The following ANKH variants were observed in gnomAD, a reference collection of about 807,000 sequenced individuals.
ANKH encodes the protein mineralization regulator ANKH.
ANKH carries 15 observed loss-of-function variants against 49.0 expected under a neutral mutation model. The observed-to-expected ratio is 0.31, with a 90% CI of 0.20 to 0.47. ANKH has a LOEUF of 0.47. Among genes scored for constraint, ANKH ranks in the 20% least tolerant of loss-of-function variants. ANKH has a pLI of 1.00. For missense variants in ANKH, 429 were observed against 652.0 expected, an observed-to-expected ratio of 0.66 and a Z score of 3.72; for synonymous variants, 273 against 260.0, an observed-to-expected ratio of 1.05 and a Z score of -0.48.
chr5:14,705,557 G>C lies in ANKH; in HGVS notation c.*5640C>G, dbSNP rs1052925740. The C allele has an allele frequency of 1.3e-5, 2 of 152,232 alleles. No homozygotes were observed. The highest frequency in any genetic ancestry group is 2.4e-5 in the African/African-American group (1 of 41,450). The allele number at this position is 152,232 out of a possible 1,614,324, so 9.4% of individuals were successfully genotyped here. ...GTCGGCATGGAACAGAATCACGTGT[G>C]TGGCTCTTGTCCACTTTCCCGAAGC... On this transcript the variant is annotated 3_prime_UTR_variant, in exon 12 of 12. Transcript: ENST00000284268.
intron 1 of ANKH, among the ~76,000 whole-genome samples, chr5:14,796,879 T>C (rs1170869210): frequency 6.6e-6 from 1 of 152,208 alleles, no homozygotes; most frequent in Non-Finnish European, 1.5e-5. Flanking sequence ...TTTCTGTAGC[T>C]ACTTTAGACC....
chr5:14,861,836 A>T (rs939149005), intron 1 of ANKH, among the ~76,000 whole-genome samples: 2 of 152,248 alleles, frequency 1.3e-5, no homozygotes, highest in Non-Finnish European at 2.9e-5. Flanking sequence ...CCTGAACCAG[A>T]TGTAGACTGT....
At chr5:14,801,031 G>A (rs538102633) in intron 1 of ANKH, among the ~76,000 whole-genome samples, 3 of 152,238 alleles carry the variant, frequency 2.0e-5, no homozygotes, top group African/African-American at 4.8e-5. Flanking sequence ...CAGCCCAAAC[G>A]TAACTTTTAT....
At chr5:14,731,117 C>A (rs891049) in intron 8 of ANKH, among the ~76,000 whole-genome samples, 22,353 of 152,148 alleles carry the variant, frequency 0.15, 1,821 homozygotes, top group Non-Finnish European at 0.19. Flanking sequence ...TGTCGTCCTC[C>A]GGGGGCAGCG....
chr5:14,798,094 C>T, intron 1 of ANKH: 1 of 1,570,044 alleles, frequency 6.4e-7, no homozygotes, highest in Non-Finnish European at 8.8e-7. Flanking sequence ...CCAAATTCTC[C>T]TTTCTCTCTG....
chr5:14,773,106 C>T (rs1448041182), intron 1 of ANKH, among the ~76,000 whole-genome samples: 1 of 152,198 alleles, frequency 6.6e-6, no homozygotes, highest in African/African-American at 2.4e-5. Context: ...GGTTTTGTTT[C>T]TAGAGAACTC....
At chr5:14,730,728 C>T (rs1357131562) in intron 8 of ANKH, among the ~76,000 whole-genome samples, 1 of 152,182 alleles carries the variant, frequency 6.6e-6, no homozygotes, top group East Asian at 1.9e-4. Context: ...GAAGCGAGCG[C>T]CAGGAGTGCA....
At chr5:14,781,315 C>T (rs1471950054) in intron 1 of ANKH, among the ~76,000 whole-genome samples, 1 of 152,186 alleles carries the variant, frequency 6.6e-6, no homozygotes, top group Non-Finnish European at 1.5e-5. Flanking sequence ...AACCTGGTCC[C>T]TTCAGGAGTC....
chr5:14,845,843 C>A (rs1376023080), intron 1 of ANKH, among the ~76,000 whole-genome samples: 3 of 82,558 alleles, frequency 3.6e-5, no homozygotes, highest in South Asian at 3.6e-4. Context: ...CCTATGCACA[C>A]TTTTTTTTTT....
chr5:14,751,695 CAA>C (rs1738724797), intron 4 of ANKH, among the ~76,000 whole-genome samples: 1 of 151,468 alleles, frequency 6.6e-6, no homozygotes, highest in Non-Finnish European at 1.5e-5. Flanking sequence ...ATTTGAAAAA[CAA>C]AACAACAACA....
At chr5:14,797,523 G>A in intron 1 of ANKH, 1 of 1,611,214 alleles carries the variant, frequency 6.2e-7, no homozygotes, top group Admixed American at 1.7e-5. Flanking sequence ...CTTGTCAGCT[G>A]ATCCTGTGGC....
intron 3 of ANKH, among the ~76,000 whole-genome samples, chr5:14,756,746 A>G (rs1189830485): frequency 1.3e-5 from 2 of 149,436 alleles, no homozygotes; most frequent in Non-Finnish European, 3.0e-5. Flanking sequence ...GGCTTTAAAT[A>G]TTCTCTCTCC....
rs1346197049 is a variant in ANKH, at chr5:14,820,280, C to T, written c.96+51072G>A. On this transcript the variant is annotated intron_variant, in intron 1 of 11. Coordinates refer to ENST00000284268, the MANE Select transcript of ANKH (RefSeq NM_054027.6). ...GAATGAGATGAAATAAGAACTTACT[C>T]TGTACCATTTTACAATAAAATTGTC... 3.9e-5 allele frequency among the ~76,000 whole-genome samples: 6 copies of T among 152,152 alleles called. No individual in the cohort carries two copies. The East Asian group carries it at 7.7e-4, about 20-fold the overall frequency.
At position 14,769,046 on chromosome 5, in the gene ANKH, C is replaced by A. The variant is rs1739341287; in HGVS notation, c.242G>T (p.Arg81Ile). 1 of 1,614,112 alleles carries A rather than the reference C, an allele frequency of 6.2e-7. No individual in the cohort carries two copies. Among genetic ancestry groups the A allele is most frequent in the Non-Finnish European group, 8.5e-7 (1 of 1,180,052 alleles). Residue 81 changes from arginine (R) to isoleucine (I), a missense_variant, in exon 2 of 12, where the codon AGA (arginine) becomes ATA (isoleucine). By Grantham distance (97) the Arg-to-Ile change is moderately conservative (BLOSUM62 -3). Coordinates refer to ENST00000284268, the MANE Select transcript of ANKH (RefSeq NM_054027.6). Reference sequence around the variant, plus strand: ...ACACAGGACGGCTTTGGTCCTGTCTCTCTTGCTGTTCACAAACACCAGGCC... The same window carrying A: ...ACACAGGACGGCTTTGGTCCTGTCTATCTTGCTGTTCACAAACACCAGGCC... Reference protein sequence around the residue: ...NVGLVFVNSKRDRTKAVLCMV... With the variant: ...NVGLVFVNSKIDRTKAVLCMV...
intron 1 of ANKH, among the ~76,000 whole-genome samples, chr5:14,835,810 CA>C (rs535733464): frequency 6.6e-6 from 1 of 151,524 alleles, no homozygotes; most frequent in East Asian, 1.9e-4. Flanking sequence ...AGAGACACAA[CA>C]AAAAAAAGAG....
At chr5:14,718,475 A>T (rs1486116992) in intron 8 of ANKH, among the ~76,000 whole-genome samples, 1 of 152,204 alleles carries the variant, frequency 6.6e-6, no homozygotes, top group South Asian at 2.1e-4. Context: ...ATGGGAGAAG[A>T]CACTGCACCC....
At chr5:14,764,138 C>T (rs1325475566) in intron 2 of ANKH, among the ~76,000 whole-genome samples, 2 of 150,562 alleles carry the variant, frequency 1.3e-5, no homozygotes, top group Admixed American at 1.3e-4. Context: ...CAAAAATATC[C>T]CTTGAGTCTT....
intron 1 of ANKH, among the ~76,000 whole-genome samples, chr5:14,853,656 GGTTT>G (rs1209065472): frequency 1.5e-5 from 2 of 136,982 alleles, no homozygotes; most frequent in Non-Finnish European, 3.4e-5. Flanking sequence ...AAGATGTGTG[GGTTT>G]TTTTTGTTTG....
rs1160513688 is a variant in ANKH, at chr5:14,713,751, G to A, written c.1142-84C>T. On this transcript the variant is annotated intron_variant, in intron 9 of 11. Transcript: ENST00000284268. This position sits in a 1 kb window ranked among gnomAD's most constrained non-coding sequence, Gnocchi z 4.4. ...GCCTCTGGACCAGGGCAGCACATCCGAGAGCCAGGGGCTGCCTAGGACCCT... is the reference window on the plus strand; with the variant it reads ...GCCTCTGGACCAGGGCAGCACATCCAAGAGCCAGGGGCTGCCTAGGACCCT... 4 of 1,593,372 alleles carry A rather than the reference G, an allele frequency of 2.5e-6. No homozygotes were observed. Among genetic ancestry groups the A allele is most frequent in the Admixed American group, 3.3e-5 (2 of 59,946 alleles).
Sources: gnomAD v4.1 joint callset for allele counts (sites outside exome capture counted in the v4.1 genomes callset) on GRCh38, gnomAD v4.1.1 for gene constraint, Gnocchi (gnomAD v3.1) non-coding constraint, MANE v1.5 for transcripts, NCBI Gene and HGNC (gene_info 2026-07-23, HGNC 2026-07-21) for gene names.